The following CASKIN1 variants were observed in gnomAD, a reference collection of about 807,000 sequenced individuals.
CASKIN1 encodes the protein CASK interacting protein 1.
A neutral mutation model predicts 117.5 loss-of-function variants in CASKIN1; 42 were observed. The observed-to-expected ratio is 0.36, with a 90% CI of 0.28 to 0.46. CASKIN1 has a LOEUF of 0.46. Among genes scored for constraint, CASKIN1 ranks in the 20% least tolerant of loss-of-function variants. The probability of loss-of-function intolerance (pLI) is 1.00; values close to 1 mark genes in which losing one functional copy is unlikely to be tolerated. For missense variants in CASKIN1, 2,083 were observed against 2,077.3 expected (o/e 1.00, Z -0.05); for synonymous variants, 1,148 against 961.7 (o/e 1.19, Z -3.59).
chr16:2,178,651 G>A lies in CASKIN1; in HGVS notation c.4200-5C>T, dbSNP rs778807402. ...CTCTTTTCCGCCGCCGAGTCGCTGC[G>A]GGGCGCGGGGCAAGGGGCGTGAGTG... On this transcript the variant is annotated splice_region_variant and splice_polypyrimidine_tract_variant and intron_variant, in intron 19 of 19. Coordinates refer to ENST00000343516, the MANE Select transcript of CASKIN1 (RefSeq NM_020764.4). 6.9e-6 allele frequency: 11 copies of A among 1,584,744 alleles called. No homozygotes were observed. Among genetic ancestry groups the A allele is most frequent in the Non-Finnish European group, 8.5e-6 (10 of 1,172,922 alleles).
At chr16:2,192,538 A>G (rs2093204105) in intron 1 of CASKIN1, among the ~76,000 whole-genome samples, 3 of 151,986 alleles carry the variant, frequency 2.0e-5, no homozygotes, top group African/African-American at 7.3e-5. Flanking sequence ...CCTCCAACAT[A>G]TCGGCTGCCC....
chr16:2,181,229 C>T lies in CASKIN1; in HGVS notation c.2139G>A (p.Gly713=). 1.3e-6 allele frequency: 2 copies of T among 1,593,566 alleles called. No individual in the cohort carries two copies. Among genetic ancestry groups the T allele is most frequent in the South Asian group, 1.1e-5 (1 of 90,364 alleles). The change falls in exon 18 of 20, where the codon GGG becomes GGA. Residue 713 remains glycine, a synonymous_variant. Transcript: ENST00000343516. ...MSSSQELLGD[G]PPGPSSPMSR... is the part of the protein sequence containing the mutation. Reference sequence around the variant, plus strand: ...ACATGGGGCTGCTGGGCCCAGGGGGCCCATCTCCCAGCAGCTCCTGCGAGC... The same window carrying T: ...ACATGGGGCTGCTGGGCCCAGGGGGTCCATCTCCCAGCAGCTCCTGCGAGC...
chr16:2,178,660 G>C lies in CASKIN1; in HGVS notation c.4200-14C>G. 6.3e-7 allele frequency: 1 copy of C among 1,582,098 alleles called. No individual in the cohort carries two copies. The highest frequency in any genetic ancestry group is 1.4e-5 in the African/African-American group (1 of 72,286). On this transcript the variant is annotated splice_polypyrimidine_tract_variant and intron_variant, in intron 19 of 19. Transcript: ENST00000343516. ...GCCGCCGAGTCGCTGCGGGGCGCGG[G>C]GCAAGGGGCGTGAGTGGGCGGGGCG... is the stretch of plus-strand genomic sequence containing the variant.
rs892043541 is a variant in CASKIN1, at chr16:2,184,345, T to G, written c.1417-404A>C. Among the ~76,000 whole-genome samples the G allele has an allele frequency of 6.6e-5, 10 of 152,120 alleles. 1 individual carries two copies. The highest frequency in any genetic ancestry group is 2.1e-4 in the South Asian group (1 of 4,836). ...GGGCTGGACCGGAAGGTGGGCTCTG[T>G]GCCCACAGGCAGGGGCACCTTGCCT... On this transcript the variant is annotated intron_variant, in intron 14 of 19. Coordinates refer to ENST00000343516, the MANE Select transcript of CASKIN1 (RefSeq NM_020764.4).
chr16:2,185,301 G>A lies in CASKIN1; in HGVS notation c.1150+6C>T. ...GCCACCTCTGCCCTTCAGGGACCCA[G>A]CCTACCTGCAAAAGGCTTCCTCAGC... is the stretch of plus-strand genomic sequence containing the variant. On this transcript the variant is annotated splice_donor_region_variant and intron_variant, in intron 11 of 19. Coordinates refer to ENST00000343516, the MANE Select transcript of CASKIN1 (RefSeq NM_020764.4). 1 of 1,595,266 alleles carries A rather than the reference G, an allele frequency of 6.3e-7. No homozygotes were observed. Among genetic ancestry groups the A allele is most frequent in the Non-Finnish European group, 8.6e-7 (1 of 1,166,950 alleles).
At chr16:2,192,149 A>G (rs974119141) in intron 1 of CASKIN1, among the ~76,000 whole-genome samples, 1 of 152,088 alleles carries the variant, frequency 6.6e-6, no homozygotes, top group Non-Finnish European at 1.5e-5. Context: ...GGAAAAAAAA[A>G]GTAGCTGGGC....
At chr16:2,187,566 G>A in intron 6 of CASKIN1, 105 bp from the exon 7 acceptor site, 4 of 889,062 alleles carry the variant, frequency 4.5e-6, no homozygotes, top group Non-Finnish European at 7.1e-6. Flanking sequence ...GTCAGCTTGG[G>A]GGCTGAGGAC....
chr16:2,189,682 G>A (rs376574984), intron 3 of CASKIN1, 118 bp from the exon 4 acceptor site: 24 of 997,220 alleles, frequency 2.4e-5, no homozygotes, highest in Non-Finnish European at 3.3e-5. Context: ...GTGGGAGGGC[G>A]CTAGGAGCTG....
At position 2,188,087 on chromosome 16, in the gene CASKIN1, G is replaced by A. The variant is rs570949272; in HGVS notation, c.618-626C>T. On this transcript the variant is annotated intron_variant, in intron 6 of 19. Coordinates refer to ENST00000343516, the MANE Select transcript of CASKIN1 (RefSeq NM_020764.4). Reference sequence around the variant, plus strand: ...TTGCCTTTGTTTTTGTAAAGACCACGTCTTGCTATGTTGCCCAGGCTGGTC... The same window carrying A: ...TTGCCTTTGTTTTTGTAAAGACCACATCTTGCTATGTTGCCCAGGCTGGTC... 2.1e-4 allele frequency among the ~76,000 whole-genome samples: 30 copies of A among 146,078 alleles called. 1 individual carries two copies. In the South Asian group the frequency reaches 3.5e-3, roughly 17 times the overall value.
chr16:2,183,784 C>T, intron 15 of CASKIN1, 37 bp from the exon 16 acceptor site: 3 of 1,611,630 alleles, frequency 1.9e-6, no homozygotes, highest in African/African-American at 1.3e-5. Flanking sequence ...AGGGGCTGGG[C>T]CCATCTGTGG....
At position 2,189,410 on chromosome 16, in the gene CASKIN1, G is replaced by C. The variant is rs186455611; in HGVS notation, c.390+9C>G. 2 of 1,610,252 alleles carry C rather than the reference G, an allele frequency of 1.2e-6. No homozygotes were observed. Among genetic ancestry groups the C allele is most frequent in the Admixed American group, 1.7e-5 (1 of 59,836 alleles). ...CGCCCCCGCTGCCCCGCCCCCGCTC[G>C]GGCCTCACCACATCATAGTGACCAT... On this transcript the variant is annotated intron_variant, in intron 4 of 19. Transcript: ENST00000343516.
intron 6 of CASKIN1, chr16:2,188,792 G>A (rs908286002): frequency 4.7e-5 from 26 of 548,464 alleles, no homozygotes; most frequent in South Asian, 1.0e-4. Flanking sequence ...GCACCTCCTC[G>A]AGCACACCCA....
chr16:2,189,600 A>G, intron 3 of CASKIN1, 36 bp from the exon 4 acceptor site: 1 of 1,559,476 alleles, frequency 6.4e-7, no homozygotes, highest in Non-Finnish European at 8.6e-7. Flanking sequence ...CTGACCCTTG[A>G]CCCCAAACCC....
intron 10 of CASKIN1, among the ~76,000 whole-genome samples, chr16:2,186,423 C>G (rs1395746784): frequency 6.6e-6 from 1 of 152,218 alleles, no homozygotes; most frequent in Non-Finnish European, 1.5e-5. Context: ...CCTGCCCTCT[C>G]CTGCCCCAGG....
Position 2,179,889 on chromosome 16 carries a change from C to T in CASKIN1, c.3479G>A (p.Gly1160Glu), listed in dbSNP as rs1208195564. The change falls in exon 18 of 20, where the codon GGG (glycine) becomes GAG (glutamate). Residue 1160 changes from glycine to glutamate, a missense_variant. Physicochemically the swap from Gly to Glu is moderately conservative, Grantham distance 98. Transcript: ENST00000343516. The surrounding 1 kb of genome is among the most constrained non-coding windows in gnomAD (Gnocchi z 5.8). ...GGACAGTGGCGGTGGTGGCTCAGGC[C>T]CGGCCTCCCGCTCCTTGGCCTTGGG... ...RRPKAKEREA[G>E]PEPPPPLSVY... 1.2e-6 allele frequency: 2 copies of T among 1,605,162 alleles called. No homozygotes were observed. The highest frequency in any genetic ancestry group is 1.1e-5 in the South Asian group (1 of 90,202).
rs1466352772 is a variant in CASKIN1, at chr16:2,189,056, T to C, written c.588A>G (p.Ala196=). Residue 196 remains alanine (A), a synonymous_variant, in exon 6 of 20, where the codon GCA becomes GCG. Transcript: ENST00000343516. ...DPNGTSPLHL[A]AKNGHIDIIR... ...TGATGTCGATGTGGCCGTTTTTAGC[T>C]GCGAGGTGCAAAGGGCTGGTGCCGT... The C allele has an allele frequency of 6.8e-6, 11 of 1,613,578 alleles. No individual in the cohort carries two copies. Among genetic ancestry groups the C allele is most frequent in the Non-Finnish European group, 7.6e-6 (9 of 1,179,734 alleles).
In CASKIN1 at chr16:2,177,900, G is replaced by A; in HGVS notation, c.*650C>T. Reference sequence around the variant, plus strand: ...CCCCAGCCTTCCACCTGTGCTAGCAGCCTGGGGCCTCCACTCTGGCCGGAG... The same window carrying A: ...CCCCAGCCTTCCACCTGTGCTAGCAACCTGGGGCCTCCACTCTGGCCGGAG... On this transcript the variant is annotated 3_prime_UTR_variant, in exon 20 of 20. Transcript: ENST00000343516. 2 of 329,158 alleles carry A rather than the reference G, an allele frequency of 6.1e-6. No individual in the cohort carries two copies. The highest frequency in any genetic ancestry group is 1.1e-5 in the Non-Finnish European group (2 of 174,750). The allele number at this position is 329,158 out of a possible 1,614,324, so 20.4% of individuals were successfully genotyped here. A position where few individuals can be genotyped will look rare whatever the true frequency, so the allele number is the denominator to read the frequency against.
chr16:2,184,732 G>C, intron 14 of CASKIN1, 45 bp downstream of exon 14: 3 of 1,436,036 alleles, frequency 2.1e-6, no homozygotes, highest in Non-Finnish European at 1.8e-6. Context: ...CGGCCTTACA[G>C]CCTCTCCCCG....
Position 2,187,691 on chromosome 16 carries a change from G to A in CASKIN1, c.618-230C>T, listed in dbSNP as rs1013281633. Among the ~76,000 whole-genome samples, 9 of 152,140 alleles carry A rather than the reference G, an allele frequency of 5.9e-5. No individual in the cohort carries two copies. In the East Asian group the frequency reaches 1.2e-3, roughly 20 times the overall value. On this transcript the variant is annotated intron_variant, in intron 6 of 19. Coordinates refer to ENST00000343516, the MANE Select transcript of CASKIN1 (RefSeq NM_020764.4). Reference sequence around the variant, plus strand: ...GGCTGGAGTGCAATGGTGCGATCTCGGCTCACTACAGCCTCCACCTCCTGG... The same window carrying A: ...GGCTGGAGTGCAATGGTGCGATCTCAGCTCACTACAGCCTCCACCTCCTGG...
Sources: gnomAD v4.1 joint callset for allele counts (sites outside exome capture counted in the v4.1 genomes callset) on GRCh38, gnomAD v4.1.1 for gene constraint, Gnocchi (gnomAD v3.1) non-coding constraint, MANE v1.5 for transcripts, NCBI Gene and HGNC (gene_info 2026-07-23, HGNC 2026-07-21) for gene names.